Variants in STAU2 observed in about 807,000 individuals in gnomAD.
The protein encoded by STAU2 is staufen double-stranded RNA binding protein 2.
In STAU2, 20 loss-of-function variants were observed where a neutral mutation model predicts 65.9. The ratio of observed to expected loss-of-function variants is 0.30; its 90% CI spans 0.21 to 0.44. The LOEUF (loss-of-function observed/expected upper bound fraction) is 0.44, where lower values mean the gene tolerates loss of function less well. Among genes scored for constraint, STAU2 ranks in the 20% least tolerant of loss-of-function variants. STAU2 has a pLI of 1.00. For synonymous variants in STAU2, 232 were observed against 233.9 expected, an observed-to-expected ratio of 0.99 and a Z score of 0.07; for missense variants, 558 against 683.9, an observed-to-expected ratio of 0.82 and a Z score of 2.05.
chr8:73,543,966 A>G (rs1806728140), intron 13 of STAU2, among the ~76,000 whole-genome samples: 1 of 152,224 alleles, frequency 6.6e-6, no homozygotes, highest in African/African-American at 2.4e-5. Flanking sequence ...ATGTCCCACA[A>G]GCAATTCGAA....
chr8:73,566,560 T>C (rs1359074475), intron 12 of STAU2, among the ~76,000 whole-genome samples: 1 of 152,212 alleles, frequency 6.6e-6, no homozygotes, highest in African/African-American at 2.4e-5. Context: ...AAAACACTAT[T>C]CTCTTTTTTT....
intron 13 of STAU2, among the ~76,000 whole-genome samples, chr8:73,434,823 C>T (rs1817576970): frequency 6.6e-6 from 1 of 151,884 alleles, no homozygotes; most frequent in South Asian, 2.1e-4. Context: ...GCCCATTGCT[C>T]TCTCACTTGT....
intron 12 of STAU2, among the ~76,000 whole-genome samples, chr8:73,562,423 C>A (rs1211394411): frequency 6.6e-6 from 1 of 152,176 alleles, no homozygotes; most frequent in Non-Finnish European, 1.5e-5. Flanking sequence ...GAGTTCAAGG[C>A]TGCAGTGAGC....
At chr8:73,495,662 A>AATATATATATATATAT (rs3032943) in intron 13 of STAU2, among the ~76,000 whole-genome samples, 1,942 of 132,210 alleles carry the variant, frequency 0.015, 37 homozygotes, top group East Asian at 0.064. Flanking sequence ...CATAAAGCCA[A>AATATATATATATATAT]ATATATATAT....
Position 73,523,144 on chromosome 8 carries a change from C to T in STAU2, c.1530+28868G>A, listed in dbSNP as rs578190935. On this transcript the variant is annotated intron_variant, in intron 13 of 14. Coordinates refer to ENST00000524300, the MANE Select transcript of STAU2 (RefSeq NM_001164380.2). ...CCGGGAAGTGGAGGTTGCAGTGAGC[C>T]GAAATCACGCCACTGCACTCCAGCC... Among the ~76,000 whole-genome samples, 255 of 131,482 alleles carry T rather than the reference C, an allele frequency of 1.9e-3. 2 individuals carry two copies. Among genetic ancestry groups the T allele is most frequent in the African/African-American group, 6.4e-3 (234 of 36,646 alleles). The allele number at this position is 131,482 out of a possible 152,430, so 86.3% of individuals were successfully genotyped here.
At chr8:73,547,347 T>G (rs577979142) in intron 13 of STAU2, among the ~76,000 whole-genome samples, 1 of 69,418 alleles carries the variant, frequency 1.4e-5, no homozygotes, top group African/African-American at 3.2e-5. Context: ...TCAAACATAG[T>G]ATTTTTTTTT....
chr8:73,508,205 C>G (rs1563392541), intron 13 of STAU2, among the ~76,000 whole-genome samples: 1 of 152,220 alleles, frequency 6.6e-6, no homozygotes, highest in East Asian at 1.9e-4. Context: ...CCCCTCTCAG[C>G]TTATGACATG....
chr8:73,634,067 A>T (rs1814313242), intron 6 of STAU2, among the ~76,000 whole-genome samples: 1 of 152,216 alleles, frequency 6.6e-6, no homozygotes, highest in African/African-American at 2.4e-5. Flanking sequence ...AAATGATTTT[A>T]TGCATATGAG....
chr8:73,559,219 C>G (rs556196116), intron 12 of STAU2, among the ~76,000 whole-genome samples: 1 of 152,276 alleles, frequency 6.6e-6, no homozygotes, highest in Non-Finnish European at 1.5e-5. Flanking sequence ...TTGTACCATT[C>G]TTATAACTTC....
chr8:73,648,071 C>T (rs1437003681), intron 6 of STAU2, among the ~76,000 whole-genome samples: 2 of 152,142 alleles, frequency 1.3e-5, no homozygotes, highest in African/African-American at 4.8e-5. Context: ...ATTTTTACAA[C>T]TTTCAGTGAA....
At chr8:73,478,751 T>C (rs572863221) in intron 13 of STAU2, among the ~76,000 whole-genome samples, 1 of 152,260 alleles carries the variant, frequency 6.6e-6, no homozygotes, top group South Asian at 2.1e-4. Context: ...AGCCTTTTTC[T>C]CAATTCCTTC....
chr8:73,709,830 T>C (rs938459456), intron 3 of STAU2, among the ~76,000 whole-genome samples: 14 of 152,196 alleles, frequency 9.2e-5, no homozygotes, highest in African/African-American at 3.1e-4. Flanking sequence ...TTAAGTTCCT[T>C]ATTATCTTTT....
intron 12 of STAU2, among the ~76,000 whole-genome samples, chr8:73,563,191 A>G (rs887862544): frequency 6.6e-6 from 1 of 152,148 alleles, no homozygotes; most frequent in Non-Finnish European, 1.5e-5. Context: ...ACTCTCCCCA[A>G]CTTCCCTGAT....
At chr8:73,724,231 A>G (rs1034665352) in intron 3 of STAU2, among the ~76,000 whole-genome samples, 1 of 152,084 alleles carries the variant, frequency 6.6e-6, no homozygotes, top group Non-Finnish European at 1.5e-5. Flanking sequence ...GTTTCTACAT[A>G]TTTTGTTTTT....
intron 6 of STAU2, among the ~76,000 whole-genome samples, chr8:73,647,239 A>G (rs138857932): frequency 2.5e-3 from 374 of 152,172 alleles, no homozygotes; most frequent in East Asian, 0.022. Context: ...TATTTATCCC[A>G]AAGAAATAAA....
At chr8:73,486,096 TA>T (rs1404931432) in intron 13 of STAU2, among the ~76,000 whole-genome samples, 2 of 152,098 alleles carry the variant, frequency 1.3e-5, no homozygotes, top group Non-Finnish European at 2.9e-5. Flanking sequence ...TTTCTATAAG[TA>T]ACTAACCTGT....
At chr8:73,459,540 C>T (rs1051456528) in intron 13 of STAU2, among the ~76,000 whole-genome samples, 2 of 152,154 alleles carry the variant, frequency 1.3e-5, no homozygotes, top group Admixed American at 1.3e-4. Flanking sequence ...TTACCCTTCA[C>T]CCTGTCAGGA....
At chr8:73,707,624 T>C (rs183170495) in intron 4 of STAU2, among the ~76,000 whole-genome samples, 33 of 152,000 alleles carry the variant, frequency 2.2e-4, no homozygotes, top group African/African-American at 7.0e-4. Flanking sequence ...TCTGCTAATA[T>C]GAAACTCAAA....
At chr8:73,742,143 C>A in intron 1 of STAU2, 1 of 920,926 alleles carries the variant, frequency 1.1e-6, no homozygotes. Context: ...TAAAGACACG[C>A]CCAGTCTACT....
Sources: gnomAD v4.1 joint callset for allele counts (sites outside exome capture counted in the v4.1 genomes callset) on GRCh38, gnomAD v4.1.1 for gene constraint, MANE v1.5 for transcripts, NCBI Gene and HGNC (gene_info 2026-07-23, HGNC 2026-07-21) for gene names.